The following LSM14A variants were observed in gnomAD, a reference collection of about 807,000 sequenced individuals.
The protein encoded by LSM14A is LSM14A mRNA processing body assembly factor.
In LSM14A, 14 loss-of-function variants were observed where a neutral mutation model predicts 52.4. The observed-to-expected ratio is 0.27, with a 90% confidence interval of 0.18 to 0.42. The LOEUF (loss-of-function observed/expected upper bound fraction) is 0.42. Among genes scored for constraint, LSM14A ranks in the 10% least tolerant of loss-of-function variants. The pLI is 1.00. For missense variants in LSM14A, 417 were observed against 581.8 expected (o/e 0.72, Z 2.91); for synonymous variants, 185 against 200.3 (o/e 0.92, Z 0.64).
At chr19:34,218,293 C>T (rs1485367060) in intron 6 of LSM14A, among the ~76,000 whole-genome samples, 1 of 152,086 alleles carries the variant, frequency 6.6e-6, no homozygotes, top group Non-Finnish European at 1.5e-5. Context: ...CGTGAGCCAC[C>T]GCGCCTGGCC....
At chr19:34,213,558 A>G (rs1014914388) in intron 4 of LSM14A, among the ~76,000 whole-genome samples, 1 of 152,030 alleles carries the variant, frequency 6.6e-6, no homozygotes, top group African/African-American at 2.4e-5. Flanking sequence ...TATTTGGGGG[A>G]TTTTTTTACG....
intron 1 of LSM14A, among the ~76,000 whole-genome samples, chr19:34,173,266 G>T (rs966728858): frequency 2.2e-4 from 33 of 152,196 alleles, no homozygotes; most frequent in African/African-American, 8.0e-4. Context: ...CTGCGACGCA[G>T]ACATTCTCGA....
intron 1 of LSM14A, among the ~76,000 whole-genome samples, chr19:34,187,213 C>T (rs1599668545): frequency 2.0e-5 from 3 of 150,720 alleles, no homozygotes; most frequent in African/African-American, 7.3e-5. Context: ...CGCGCCACTG[C>T]ACTCCAGCCT....
chr19:34,172,880 C>A, intron 1 of LSM14A, 117 bp downstream of exon 1: 1 of 1,201,118 alleles, frequency 8.3e-7, no homozygotes, highest in Non-Finnish European at 1.1e-6. Flanking sequence ...TCCGGGAGGC[C>A]TCTCGCCTCC....
chr19:34,186,357 T>C (rs2069909215), intron 1 of LSM14A, among the ~76,000 whole-genome samples: 1 of 152,228 alleles, frequency 6.6e-6, no homozygotes, highest in African/African-American at 2.4e-5. Context: ...GTATTTTTTG[T>C]ATGAGATTAA....
chr19:34,174,011 A>G (rs1263852095), intron 1 of LSM14A, among the ~76,000 whole-genome samples: 1 of 152,106 alleles, frequency 6.6e-6, no homozygotes, highest in African/African-American at 2.4e-5. Context: ...TGCAAAGGCA[A>G]TGATTTCGGC....
chr19:34,192,316 G>GTTGTTTT (rs1376629828), intron 1 of LSM14A, among the ~76,000 whole-genome samples: 1 of 65,822 alleles, frequency 1.5e-5, no homozygotes, highest in African/African-American at 5.8e-5. Context: ...CATTCTTTTT[G>GTTGTTTT]TTGTTTTTTT....
intron 1 of LSM14A, among the ~76,000 whole-genome samples, chr19:34,176,309 G>A (rs1311353164): frequency 6.6e-6 from 1 of 151,530 alleles, no homozygotes; most frequent in Non-Finnish European, 1.5e-5. Context: ...CTCAGGGAGA[G>A]TGTTATTGGG....
intron 1 of LSM14A, among the ~76,000 whole-genome samples, chr19:34,188,711 C>A (rs1204430274): frequency 6.6e-6 from 1 of 152,056 alleles, no homozygotes; most frequent in Non-Finnish European, 1.5e-5. Flanking sequence ...CACTGTGTGA[C>A]GTTTTGTGTC....
At chr19:34,185,478 G>A (rs1357592365) in intron 1 of LSM14A, among the ~76,000 whole-genome samples, 1 of 152,132 alleles carries the variant, frequency 6.6e-6, no homozygotes, top group Non-Finnish European at 1.5e-5. Flanking sequence ...GAGTGCAGAT[G>A]TGCAAAAAGT....
chr19:34,183,298 A>T lies in LSM14A; in HGVS notation c.121+10535A>T, dbSNP rs529954599. ...CCGGGCGCAGTGGCTCACGCCTGTAATCCCAGCACTTTGGGAGGCCGAGGC... is the reference window on the plus strand; with the variant it reads ...CCGGGCGCAGTGGCTCACGCCTGTATTCCCAGCACTTTGGGAGGCCGAGGC... On this transcript the variant is annotated intron_variant, in intron 1 of 9. Transcript: ENST00000544216. Among the ~76,000 whole-genome samples the T allele has an allele frequency of 1.6e-3, 246 of 152,262 alleles. 1 individual carries two copies. The highest frequency in any genetic ancestry group is 5.3e-3 in the African/African-American group (221 of 41,544).
intron 8 of LSM14A, 127 bp downstream of exon 8, chr19:34,220,004 C>G: frequency 1.4e-6 from 1 of 712,624 alleles, no homozygotes; most frequent in South Asian, 1.9e-5. Flanking sequence ...CAGTCTTACT[C>G]TGTTACTCAG....
Position 34,227,790 on chromosome 19 carries a change from TTGTGTGTGTG to T in LSM14A, c.*432_*441del, listed in dbSNP as rs71165635. 40 of 152,446 alleles carry T rather than the reference TTGTGTGTGTG, an allele frequency of 2.6e-4. No homozygotes were observed. The highest frequency in any genetic ancestry group is 6.9e-4 in the South Asian group (4 of 5,786). 9.4% of individuals were successfully genotyped at this position (152,446 alleles called of 1,614,324 possible). A position where few individuals can be genotyped will look rare whatever the true frequency, so the allele number is the denominator to read the frequency against. On this transcript the variant is annotated 3_prime_UTR_variant, in exon 10 of 10. Transcript: ENST00000544216. ...ATACTGTGTTTTGAGCCACAGAAGG[TTGTGTGTGTG>T]TGTGTGTGTGTGTGTGTGTGTGTGT...
chr19:34,194,355 T>C, intron 1 of LSM14A, 123 bp from the exon 2 acceptor site: 2 of 940,804 alleles, frequency 2.1e-6, no homozygotes, highest in Non-Finnish European at 3.2e-6. Context: ...TATAGATTAA[T>C]GAATACTTTC....
intron 2 of LSM14A, among the ~76,000 whole-genome samples, chr19:34,195,039 G>A (rs1287634760): frequency 6.6e-6 from 1 of 151,774 alleles, no homozygotes; most frequent in Non-Finnish European, 1.5e-5. Flanking sequence ...TAGGATCCGT[G>A]CTACCATGCT....
At chr19:34,199,046 T>G (rs2071091809) in intron 3 of LSM14A, among the ~76,000 whole-genome samples, 1 of 152,174 alleles carries the variant, frequency 6.6e-6, no homozygotes, top group Non-Finnish European at 1.5e-5. Context: ...TTTTACACTC[T>G]TAGTAGGATA....
intron 4 of LSM14A, 62 bp from the exon 5 acceptor site, chr19:34,215,062 A>G: frequency 1.5e-6 from 2 of 1,357,680 alleles, no homozygotes. Flanking sequence ...AATTTTTTTT[A>G]GGGTCTAGAT....
chr19:34,187,790 A>G (rs2070042581), intron 1 of LSM14A, among the ~76,000 whole-genome samples: 1 of 152,112 alleles, frequency 6.6e-6, no homozygotes, highest in Non-Finnish European at 1.5e-5. Context: ...TACACTAACA[A>G]CCAGTTTGGC....
intron 9 of LSM14A, among the ~76,000 whole-genome samples, chr19:34,223,578 C>T (rs908718885): frequency 4.6e-5 from 7 of 152,224 alleles, no homozygotes; most frequent in African/African-American, 1.7e-4. Context: ...TAGAGGTATC[C>T]ATGATTGTGG....
Sources: allele counts gnomAD v4.1 joint callset (sites outside exome capture counted in the v4.1 genomes callset), GRCh38; gene constraint gnomAD v4.1.1; transcripts MANE v1.5; gene names NCBI Gene and HGNC (gene_info 2026-07-23, HGNC 2026-07-21).